The following MYH16 variants were observed in gnomAD, a reference collection of about 807,000 sequenced individuals.
MYH16 encodes the protein putative uncharacterized protein MYH16.
intron 2 of MYH16, among the ~76,000 whole-genome samples, chr7:99,245,536 T>G (rs1036658508): frequency 6.6e-6 from 1 of 152,166 alleles, no homozygotes; most frequent in African/African-American, 2.4e-5. Context: ...GGTTTTTTGT[T>G]TGTTTGTTTG....
chr7:99,284,056 G>T (rs1206229207), intron 25 of MYH16, 38 bp downstream of exon 7: 1 of 420,576 alleles, frequency 2.4e-6, no homozygotes, highest in Non-Finnish European at 4.8e-6. Flanking sequence ...CATCACAATG[G>T]TAGCAATAGC....
At chr7:99,254,504 T>C (rs924193454) in intron 8 of MYH16, among the ~76,000 whole-genome samples, 4 of 152,340 alleles carry the variant, frequency 2.6e-5, no homozygotes, top group Admixed American at 1.3e-4. Context: ...CCCAAGACCA[T>C]GATCAGCTCT....
chr7:99,267,216 T>C (rs1791996600), intron 18 of MYH16, among the ~76,000 whole-genome samples: 3 of 152,174 alleles, frequency 2.0e-5, no homozygotes, highest in African/African-American at 7.2e-5. Flanking sequence ...ACTCAATCAA[T>C]GGTAGAATAT....
At chr7:99,292,620 G>A (rs781208961) in intron 32 of MYH16, 112 bp downstream of exon 13, 19 of 390,374 alleles carry the variant, frequency 4.9e-5, no homozygotes, top group African/African-American at 3.3e-4. Flanking sequence ...GGAAAAGGAC[G>A]TTCACAGGCT....
rs1406698622 is a variant in MYH16, at chr7:99,239,275, T to C, written n.210+237T>C. Among the ~76,000 whole-genome samples the C allele has an allele frequency of 2.6e-5, 4 of 152,376 alleles. No individual in the cohort carries two copies. In the East Asian group the frequency reaches 5.8e-4, roughly 22 times the overall value. ...AGACAGATCACATGAAAGCACTTCA[T>C]AGACTCTAAGACAGTACCGTGCGTA... On this transcript the variant is annotated intron_variant and non_coding_transcript_variant, in intron 1 of 41. Transcript: ENST00000439784.
intron 11 of MYH16, among the ~76,000 whole-genome samples, chr7:99,259,689 AATATATATGTGTGTGTATAT>A (rs1791915612): frequency 6.7e-6 from 1 of 150,258 alleles, no homozygotes; most frequent in Non-Finnish European, 1.5e-5. Context: ...TCATCTCTTT[AATATATATGTGTGTGTATAT>A]ATATATATGT....
rs1243975549 is a variant in MYH16, at chr7:99,299,073, T to A, written n.4741-393T>A. Among the ~76,000 whole-genome samples the A allele has an allele frequency of 7.5e-5, 10 of 132,748 alleles. No homozygotes were observed. In the South Asian group the frequency reaches 1.1e-3, roughly 15 times the overall value. 87.1% of individuals were successfully genotyped at this position (132,748 alleles called of 152,430 possible). On this transcript the variant is annotated intron_variant and non_coding_transcript_variant, in intron 36 of 41. Coordinates refer to ENST00000439784, the Ensembl canonical transcript of MYH16. Reference sequence around the variant, plus strand: ...AAAACCCCGCTCTACAAAAAAAAAATAAAAAATAAAAATAAAAAAAAAAAA... The same window carrying A: ...AAAACCCCGCTCTACAAAAAAAAAAAAAAAAATAAAAATAAAAAAAAAAAA...
intron 37 of MYH16, among the ~76,000 whole-genome samples, chr7:99,300,439 G>A (rs1206675963): frequency 6.6e-6 from 1 of 152,096 alleles, no homozygotes; most frequent in African/African-American, 2.4e-5. Flanking sequence ...TACATGGCTG[G>A]AACCACACAT....
At chr7:99,301,134 G>A (rs546095577) in intron 37 of MYH16, among the ~76,000 whole-genome samples, 1 of 135,258 alleles carries the variant, frequency 7.4e-6, no homozygotes, top group African/African-American at 2.7e-5. Context: ...GGCGGAGATT[G>A]TAGTGGAGCT....
At chr7:99,263,758 C>T (rs1002438078) in intron 14 of MYH16, among the ~76,000 whole-genome samples, 1 of 152,148 alleles carries the variant, frequency 6.6e-6, no homozygotes, top group African/African-American at 2.4e-5. Context: ...CCCAGATGTT[C>T]TATGTTTCTT....
At chr7:99,283,518 G>A (rs573664735) in intron 23 of MYH16, 47 bp from the exon 6 acceptor site, 51 of 454,648 alleles carry the variant, frequency 1.1e-4, no homozygotes, top group South Asian at 7.6e-4. Context: ...CTGTTCAGCT[G>A]CTCCCACTGG....
chr7:99,308,291 T>C (rs1792708941), downstream of MYH16, among the ~76,000 whole-genome samples: 1 of 54,464 alleles, frequency 1.8e-5, no homozygotes, highest in Admixed American at 2.9e-4. Context: ...CGAGGCTCTG[T>C]CTAAAAAAAA....
chr7:99,250,244 G>T (rs1791794014), intron 5 of MYH16, among the ~76,000 whole-genome samples: 1 of 152,194 alleles, frequency 6.6e-6, no homozygotes, highest in Admixed American at 6.5e-5. Context: ...GGAGAAGGTG[G>T]CTATAGATCA....
chr7:99,279,363 A>G, intron 21 of MYH16, 147 bp from the exon 4 acceptor site: 1 of 283,168 alleles, frequency 3.5e-6, no homozygotes, highest in African/African-American at 2.3e-5. Context: ...TGACTCAAAA[A>G]AAAAAAAAAA....
chr7:99,292,168 C>T (rs1482671570), intron 31 of MYH16, 144 bp from the exon 13 acceptor site: 2 of 342,546 alleles, frequency 5.8e-6, no homozygotes, highest in East Asian at 7.6e-5. Context: ...AAAATTAAAA[C>T]CCCGATGGTT....
At chr7:99,280,219 A>G (rs1300794022) in intron 22 of MYH16, among the ~76,000 whole-genome samples, 2 of 152,232 alleles carry the variant, frequency 1.3e-5, no homozygotes, top group African/African-American at 2.4e-5. Context: ...TTAAAATGCA[A>G]TTCCTCAGTT....
chr7:99,279,201 A>T (rs1792165284), intron 21 of MYH16, among the ~76,000 whole-genome samples: 1 of 151,788 alleles, frequency 6.6e-6, no homozygotes, highest in Non-Finnish European at 1.5e-5. Context: ...AAAAATAAAA[A>T]TAAAAAACTT....
intron 2 of MYH16, among the ~76,000 whole-genome samples, chr7:99,245,440 T>C (rs1791716383): frequency 6.6e-6 from 1 of 152,146 alleles, no homozygotes. Context: ...AGAAGAGAAA[T>C]TTAAGATTCA....
chr7:99,305,292 C>T (rs1445469894), intron 40 of MYH16, among the ~76,000 whole-genome samples: 1 of 152,146 alleles, frequency 6.6e-6, no homozygotes, highest in Non-Finnish European at 1.5e-5. Flanking sequence ...GTTCTCCTCT[C>T]CTCTTTCCCT....
Sources: allele counts gnomAD v4.1 joint callset (sites outside exome capture counted in the v4.1 genomes callset), GRCh38; gene constraint gnomAD v4.1.1; transcripts MANE v1.5; gene names NCBI Gene and HGNC (gene_info 2026-07-23, HGNC 2026-07-21).